Variants in CARMIL1 observed in about 807,000 individuals in gnomAD.
The protein encoded by CARMIL1 is F-actin-uncapping protein LRRC16A.
In CARMIL1, 90 loss-of-function variants were observed where a neutral mutation model predicts 177.1. The ratio of observed to expected loss-of-function variants is 0.51; its 90% CI spans 0.43 to 0.61. The LOEUF (loss-of-function observed/expected upper bound fraction) is 0.61, where lower values mean the gene tolerates loss of function less well. Among genes scored for constraint, CARMIL1 ranks in the 20% least tolerant of loss-of-function variants. The pLI is 0.00. For missense variants in CARMIL1, 1,380 were observed against 1,667.0 expected, an observed-to-expected ratio of 0.83 and a Z score of 3.00; for synonymous variants, 577 against 606.2, an observed-to-expected ratio of 0.95 and a Z score of 0.71.
rs1289661542 is a variant in CARMIL1, at chr6:25,279,585, A to G, written c.-211A>G. 3.3e-6 allele frequency: 2 copies of G among 601,780 alleles called. No individual in the cohort carries two copies. The highest frequency in any genetic ancestry group is 5.9e-6 in the Non-Finnish European group (2 of 336,632). The allele number at this position is 601,780 out of a possible 1,614,324, so 37.3% of individuals were successfully genotyped here. ...CGAGGAGGCGTCATGTAGCAGCAGC[A>G]GCAAATCCGCCTCGCATTTGCAACT... On this transcript the variant is annotated 5_prime_UTR_variant, in exon 1 of 37. Coordinates refer to ENST00000329474, the MANE Select transcript of CARMIL1 (RefSeq NM_017640.6).
intron 36 of CARMIL1, among the ~76,000 whole-genome samples, chr6:25,618,196 A>G (rs1031719826): frequency 6.6e-6 from 1 of 152,122 alleles, no homozygotes; most frequent in African/African-American, 2.4e-5. Flanking sequence ...TGTTAGGTTT[A>G]ATGAGCTTTC....
At chr6:25,452,321 C>T in intron 8 of CARMIL1, 1 of 702,106 alleles carries the variant, frequency 1.4e-6, no homozygotes. Context: ...CTGTGTAGCT[C>T]ATAAAAAAGT....
chr6:25,416,748 T>G (rs929543894), intron 2 of CARMIL1, among the ~76,000 whole-genome samples: 1 of 152,206 alleles, frequency 6.6e-6, no homozygotes, highest in African/African-American at 2.4e-5. Flanking sequence ...TGCCACTGAC[T>G]AGCTGTGAGA....
intron 33 of CARMIL1, among the ~76,000 whole-genome samples, chr6:25,603,806 G>C (rs888692831): frequency 2.0e-5 from 3 of 152,124 alleles, no homozygotes; most frequent in South Asian, 2.1e-4. Context: ...GTATCTAAAT[G>C]CCTCAGTCTA....
At chr6:25,408,017 A>C (rs187376988) in intron 2 of CARMIL1, among the ~76,000 whole-genome samples, 72 of 152,292 alleles carry the variant, frequency 4.7e-4, no homozygotes, top group African/African-American at 1.4e-3. Context: ...TGTGAGGGCC[A>C]GGTGTGGTGG....
At chr6:25,418,125 C>A (rs1795521360) in intron 2 of CARMIL1, among the ~76,000 whole-genome samples, 1 of 152,150 alleles carries the variant, frequency 6.6e-6, no homozygotes, top group African/African-American at 2.4e-5. Context: ...GAGCCAGAAT[C>A]TGAATGTAAG....
intron 29 of CARMIL1, among the ~76,000 whole-genome samples, chr6:25,566,880 T>G (rs1582386463): frequency 6.6e-6 from 1 of 152,338 alleles, no homozygotes; most frequent in Non-Finnish European, 1.5e-5. Flanking sequence ...AAATAATTCT[T>G]GCATGAAAAA....
intron 2 of CARMIL1, among the ~76,000 whole-genome samples, chr6:25,418,342 C>T (rs1795541465): frequency 6.6e-6 from 1 of 152,124 alleles, no homozygotes; most frequent in Admixed American, 6.5e-5. Flanking sequence ...CATTTCCCTG[C>T]ATTGGGTTAA....
intron 2 of CARMIL1, among the ~76,000 whole-genome samples, chr6:25,381,978 TA>T (rs1791596185): frequency 6.6e-6 from 1 of 152,148 alleles, no homozygotes; most frequent in Admixed American, 6.5e-5. Flanking sequence ...CACATTTGCC[TA>T]AACTCAAGTA....
At chr6:25,383,012 T>C (rs9461148) in intron 2 of CARMIL1, among the ~76,000 whole-genome samples, 23,240 of 152,046 alleles carry the variant, frequency 0.15, 1,858 homozygotes, top group African/African-American at 0.21. Context: ...AAGAGAGAGG[T>C]TCTGAAGTCC....
chr6:25,541,560 C>A (rs908825608), intron 26 of CARMIL1, among the ~76,000 whole-genome samples: 1 of 152,114 alleles, frequency 6.6e-6, no homozygotes, highest in African/African-American at 2.4e-5. Flanking sequence ...TTCACTAGTG[C>A]GAGCAATTGC....
intron 2 of CARMIL1, among the ~76,000 whole-genome samples, chr6:25,361,403 C>G (rs543310008): frequency 4.6e-5 from 7 of 152,214 alleles, no homozygotes; most frequent in African/African-American, 1.7e-4. Flanking sequence ...CCTCCCACCC[C>G]ACCCTTCCAA....
chr6:25,369,090 T>C (rs1790129959), intron 2 of CARMIL1, among the ~76,000 whole-genome samples: 1 of 152,224 alleles, frequency 6.6e-6, no homozygotes, highest in African/African-American at 2.4e-5. Context: ...TTATCTGAAC[T>C]TTTAGGAGTC....
chr6:25,450,186 C>G (rs1581985944), intron 6 of CARMIL1, among the ~76,000 whole-genome samples, 153 bp from the exon 7 acceptor site: 1 of 152,178 alleles, frequency 6.6e-6, no homozygotes, highest in Admixed American at 6.5e-5. Context: ...TATGTACTTA[C>G]TATAGAACAG....
chr6:25,434,581 T>C (rs1052140849), intron 4 of CARMIL1, among the ~76,000 whole-genome samples: 1 of 147,186 alleles, frequency 6.8e-6, no homozygotes, highest in East Asian at 2.1e-4. Flanking sequence ...TGGAGTGCAG[T>C]GGCACGATCT....
intron 2 of CARMIL1, among the ~76,000 whole-genome samples, chr6:25,317,692 G>A (rs1273876313): frequency 6.7e-6 from 1 of 150,268 alleles, no homozygotes; most frequent in East Asian, 2.0e-4. Flanking sequence ...TCCTGACTAG[G>A]ACTACAGGCA....
At chr6:25,590,403 T>A (rs1238876079) in intron 31 of CARMIL1, among the ~76,000 whole-genome samples, 2 of 152,222 alleles carry the variant, frequency 1.3e-5, no homozygotes, top group African/African-American at 4.8e-5. Flanking sequence ...AACTTTTGCA[T>A]CTATATGCAT....
chr6:25,361,069 A>T (rs1442559845), intron 2 of CARMIL1, among the ~76,000 whole-genome samples: 5 of 152,150 alleles, frequency 3.3e-5, no homozygotes, highest in African/African-American at 7.2e-5. Flanking sequence ...ACTTGTTTTC[A>T]TTATGTTAGG....
intron 25 of CARMIL1, among the ~76,000 whole-genome samples, chr6:25,538,336 C>G (rs1808521360): frequency 6.6e-6 from 1 of 152,198 alleles, no homozygotes; most frequent in African/African-American, 2.4e-5. Context: ...AAGCTTCTCT[C>G]ACGTTAGACT....
Sources: gnomAD v4.1 joint callset for allele counts (sites outside exome capture counted in the v4.1 genomes callset) on GRCh38, gnomAD v4.1.1 for gene constraint, MANE v1.5 for transcripts, NCBI Gene and HGNC (gene_info 2026-07-23, HGNC 2026-07-21) for gene names.